Variants in ZNF573 observed in about 807,000 individuals in gnomAD.
ZNF573 encodes the protein zinc finger protein 573.
Under a neutral mutation model 57.4 loss-of-function variants are expected in ZNF573, and 41 were observed. The observed-to-expected ratio is 0.71, with a 90% CI of 0.56 to 0.93. The LOEUF (loss-of-function observed/expected upper bound fraction) is 0.93. ZNF573 is among the 40% of genes least tolerant of loss of function. The pLI is 0.00. For missense variants in ZNF573, 730 were observed against 794.8 expected (o/e 0.92, Z 0.98); for synonymous variants, 249 against 261.0 (o/e 0.95, Z 0.44).
rs528854425 is a variant in ZNF573, at chr19:37,778,077, C to T, written c.-23+1467G>A. ...TTTAAGAGGTGGTCTCTTGAAGTAA[C>T]TAATACAAATTCTGTTGTTAGTCTT... On this transcript the variant is annotated intron_variant, in intron 1 of 4. Transcript: ENST00000536220. 3.5e-5 allele frequency among the ~76,000 whole-genome samples: 5 copies of T among 144,766 alleles called. No individual in the cohort carries two copies. In the South Asian group the frequency reaches 1.1e-3, roughly 33 times the overall value. 95.0% of individuals were successfully genotyped at this position (144,766 alleles called of 152,430 possible).
In ZNF573 at chr19:37,743,566, T is replaced by A. The variant is rs546118191; in HGVS notation, c.296-3372A>T. On this transcript the variant is annotated intron_variant, in intron 4 of 4. Coordinates refer to ENST00000536220, the MANE Select transcript of ZNF573 (RefSeq NM_001172690.2). ...GGAATGTAAATTAGTTCAACCACTG[T>A]GGAAGACAGTATGGCAATTCCTCAA... Among the ~76,000 whole-genome samples, 8 of 152,308 alleles carry A rather than the reference T, an allele frequency of 5.3e-5. No individual in the cohort carries two copies. In the South Asian group the frequency reaches 1.7e-3, roughly 32 times the overall value.
At chr19:37,764,158 G>C (rs1450123750) in intron 4 of ZNF573, among the ~76,000 whole-genome samples, 1 of 151,654 alleles carries the variant, frequency 6.6e-6, no homozygotes, top group African/African-American at 2.4e-5. Flanking sequence ...TGGTACTAAG[G>C]AATAAGAGAT....
chr19:37,770,860 A>ATATATATATATATATATATATG lies in ZNF573; in HGVS notation c.202+703_202+704insCATATATATATATATATATATA, dbSNP rs1568424276. On this transcript the variant is annotated intron_variant, in intron 3 of 4. Transcript: ENST00000536220. ...TATATATATATATATATATATATAT[A>ATATATATATATATATATATATG]TATATATATATATTCCCCCTCCCTT... Among the ~76,000 whole-genome samples, 5 of 101,084 alleles carry ATATATATATATATATATATATG rather than the reference A, an allele frequency of 4.9e-5. No individual in the cohort carries two copies. In the South Asian group the frequency reaches 9.1e-4, roughly 18 times the overall value. The allele number at this position is 101,084 out of a possible 152,430, so 66.3% of individuals were successfully genotyped here.
chr19:37,778,356 C>T (rs931607062), intron 1 of ZNF573: 1 of 148,702 alleles, frequency 6.7e-6, no homozygotes, highest in African/African-American at 2.5e-5. Context: ...CATGCACCAT[C>T]ACGCCAGACT....
At chr19:37,748,947 AAGCCT>A (rs2045408460) in intron 4 of ZNF573, among the ~76,000 whole-genome samples, 1 of 151,300 alleles carries the variant, frequency 6.6e-6, no homozygotes, top group Admixed American at 6.6e-5. Flanking sequence ...AAAAAAAAAA[AAGCCT>A]AAGACCTAAA....
At chr19:37,758,202 AATATATATATATATATATATATATATAT>A (rs550290940) in intron 4 of ZNF573, among the ~76,000 whole-genome samples, 1,076 of 17,154 alleles carry the variant, frequency 0.063, 91 homozygotes, top group African/African-American at 0.17. Flanking sequence ...AGTATAATAA[AATATATATATATATATATATATATATAT>A]ATATATATAT....
intron 4 of ZNF573, among the ~76,000 whole-genome samples, chr19:37,761,202 G>GAA (rs58852794): frequency 1.3e-5 from 2 of 150,538 alleles, no homozygotes; most frequent in East Asian, 1.9e-4. Flanking sequence ...TCTCAAAAAG[G>GAA]AAAAAAAAAG....
intron 4 of ZNF573, among the ~76,000 whole-genome samples, chr19:37,746,587 G>GT (rs1012452957): frequency 1.1e-4 from 17 of 148,112 alleles, no homozygotes; most frequent in South Asian, 2.1e-4. Context: ...CCCAGACCTT[G>GT]TTTTTTTTTT....
intron 4 of ZNF573, among the ~76,000 whole-genome samples, chr19:37,760,332 A>G (rs1321642994): frequency 6.7e-6 from 1 of 149,098 alleles, no homozygotes; most frequent in African/African-American, 2.4e-5. Flanking sequence ...AAAATAAGAA[A>G]TGCTCACCAA....
At chr19:37,775,594 C>G (rs1020244066) in intron 1 of ZNF573, among the ~76,000 whole-genome samples, 2 of 151,888 alleles carry the variant, frequency 1.3e-5, no homozygotes, top group African/African-American at 4.8e-5. Context: ...CCACAGCAAC[C>G]AGACAAGAGA....
intron 4 of ZNF573, among the ~76,000 whole-genome samples, chr19:37,754,513 C>T (rs910039484): frequency 3.8e-5 from 5 of 130,022 alleles, no homozygotes; most frequent in African/African-American, 1.6e-4. Context: ...AAGTGAGACT[C>T]CACCTCAAAA....
At chr19:37,746,823 A>T (rs904299700) in intron 4 of ZNF573, among the ~76,000 whole-genome samples, 1 of 152,184 alleles carries the variant, frequency 6.6e-6, no homozygotes, top group South Asian at 2.1e-4. Context: ...TGACCTCGTG[A>T]TCTGCCCGCC....
intron 4 of ZNF573, among the ~76,000 whole-genome samples, chr19:37,762,240 T>G (rs1161794293): frequency 1.3e-5 from 2 of 152,210 alleles, no homozygotes; most frequent in African/African-American, 4.8e-5. Context: ...GTCAATTTCA[T>G]GAAGGAAGAT....
chr19:37,746,830 C>T (rs1260441936), intron 4 of ZNF573, among the ~76,000 whole-genome samples: 13 of 152,166 alleles, frequency 8.5e-5, no homozygotes, highest in African/African-American at 1.4e-4. Context: ...GTGATCTGCC[C>T]GCCTTGGCCT....
chr19:37,769,609 C>T (rs1268708042), intron 4 of ZNF573, among the ~76,000 whole-genome samples: 2 of 151,182 alleles, frequency 1.3e-5, no homozygotes, highest in Non-Finnish European at 2.9e-5. Flanking sequence ...GCCTGTAATT[C>T]CAGCTACTCG....
At position 37,774,126 on chromosome 19, in the gene ZNF573, CTTTTTTTTTTTTTT is replaced by C. The variant is rs539456711; in HGVS notation, c.-22-389_-22-376del. Among the ~76,000 whole-genome samples the C allele has an allele frequency of 1.5e-3, 135 of 87,790 alleles. 1 individual carries two copies. The highest frequency in any genetic ancestry group is 5.8e-3 in the African/African-American group (117 of 20,318). The allele number at this position is 87,790 out of a possible 152,430, so 57.6% of individuals were successfully genotyped here. ...GACTTATCGTTCAAACTAGAAGCTT[CTTTTTTTTTTTTTT>C]TTTTTTTTTTTTTCTGAGATGGAGA... On this transcript the variant is annotated intron_variant, in intron 1 of 4. Transcript: ENST00000536220.
At chr19:37,773,785 T>A (rs1470451812) in intron 1 of ZNF573, 34 bp from the exon 2 acceptor site, 1 of 1,282,374 alleles carries the variant, frequency 7.8e-7, no homozygotes, top group Non-Finnish European at 1.1e-6. Flanking sequence ...GTGTTCCCAA[T>A]ATGACTTAAT....
intron 4 of ZNF573, among the ~76,000 whole-genome samples, chr19:37,745,297 G>C (rs545563168): frequency 6.6e-6 from 1 of 151,776 alleles, no homozygotes; most frequent in Non-Finnish European, 1.5e-5. Flanking sequence ...GGCTGGTCTC[G>C]AACTCCTGGC....
intron 4 of ZNF573, among the ~76,000 whole-genome samples, chr19:37,766,973 T>C (rs972713803): frequency 6.6e-6 from 1 of 152,214 alleles, no homozygotes; most frequent in African/African-American, 2.4e-5. Context: ...ATTTAATTTA[T>C]ACTATAACTT....
Sources: gnomAD v4.1 joint callset for allele counts (sites outside exome capture counted in the v4.1 genomes callset) on GRCh38, gnomAD v4.1.1 for gene constraint, MANE v1.5 for transcripts, NCBI Gene and HGNC (gene_info 2026-07-23, HGNC 2026-07-21) for gene names.